The following SGCZ variants were observed in gnomAD, a reference collection of about 807,000 sequenced individuals.
SGCZ encodes the protein sarcoglycan zeta, also known as zeta-sarcoglycan.
Under a neutral mutation model 41.3 loss-of-function variants are expected in SGCZ, and 40 were observed. The observed-to-expected ratio is 0.97, with a 90% CI of 0.75 to 1.26. The LOEUF is 1.26. SGCZ is among the 50% of genes most tolerant of loss of function. The pLI, the probability that SGCZ is intolerant of heterozygous loss-of-function variation, is 0.00. For synonymous variants in SGCZ, 206 were observed against 137.5 expected (o/e 1.50, Z -3.49); for missense variants, 552 against 369.8 (o/e 1.49, Z -4.04).
intron 3 of SGCZ, among the ~76,000 whole-genome samples, chr8:14,292,737 C>G (rs960673757): frequency 3.3e-5 from 5 of 151,794 alleles, no homozygotes; most frequent in African/African-American, 7.3e-5. Flanking sequence ...TAATTTTGGG[C>G]CTCAATTCTT....
chr8:14,278,216 C>T (rs544825611), intron 3 of SGCZ, among the ~76,000 whole-genome samples: 57 of 152,260 alleles, frequency 3.7e-4, no homozygotes, highest in Non-Finnish European at 5.7e-4. Context: ...GCCCCTCCTC[C>T]GTAAGGTATT....
intron 3 of SGCZ, among the ~76,000 whole-genome samples, chr8:14,247,244 G>T (rs4275225): frequency 1 from 151,609 of 152,320 alleles, 75,456 homozygotes; most frequent in East Asian, 1. Context: ...CTTCTGAGAA[G>T]GCTCTATGAC....
chr8:14,661,119 T>A lies in SGCZ; in HGVS notation c.40-106193A>T, dbSNP rs138102218. ...GATTCTCTTTCTAGAAATGCATTTA[T>A]GGAAACATCATACATAAGCTAAAAA... On this transcript the variant is annotated intron_variant, in intron 1 of 7. Transcript: ENST00000382080. Among the ~76,000 whole-genome samples, 573 of 152,296 alleles carry A rather than the reference T, an allele frequency of 3.8e-3. 7 individuals are homozygous for A. The highest frequency in any genetic ancestry group is 0.013 in the African/African-American group (555 of 41,574).
At chr8:14,400,022 C>A (rs546125426) in intron 2 of SGCZ, among the ~76,000 whole-genome samples, 1 of 152,084 alleles carries the variant, frequency 6.6e-6, no homozygotes, top group South Asian at 2.1e-4. Flanking sequence ...GCCCCTGTTC[C>A]CTTCCCCCAA....
chr8:14,665,697 GT>G (rs1275824312), intron 1 of SGCZ, among the ~76,000 whole-genome samples: 1 of 151,998 alleles, frequency 6.6e-6, no homozygotes, highest in Non-Finnish European at 1.5e-5. Context: ...CATTCATCAT[GT>G]TTATAGAATT....
intron 2 of SGCZ, among the ~76,000 whole-genome samples, chr8:14,500,252 G>A (rs186287849): frequency 6.6e-6 from 1 of 151,992 alleles, no homozygotes; most frequent in Non-Finnish European, 1.5e-5. Flanking sequence ...AATGTAGTTT[G>A]AGCACGTGGA....
intron 2 of SGCZ, among the ~76,000 whole-genome samples, chr8:14,428,980 G>A (rs544458434): frequency 5.3e-5 from 8 of 152,160 alleles, no homozygotes; most frequent in South Asian, 2.1e-4. Context: ...ATCAGATTAC[G>A]GAAGAGGTAT....
chr8:14,463,985 T>A (rs1241609412), intron 2 of SGCZ, among the ~76,000 whole-genome samples: 2 of 151,254 alleles, frequency 1.3e-5, no homozygotes, highest in Non-Finnish European at 3.0e-5. Flanking sequence ...GGCCATGGTT[T>A]GTAACCTTTT....
intron 1 of SGCZ, among the ~76,000 whole-genome samples, chr8:14,717,064 T>C (rs1809713645): frequency 6.6e-6 from 1 of 152,118 alleles, no homozygotes; most frequent in African/African-American, 2.4e-5. Flanking sequence ...GAACAATTCC[T>C]TTTTTATGAA....
At chr8:14,290,382 G>A (rs912168260) in intron 3 of SGCZ, among the ~76,000 whole-genome samples, 2 of 151,914 alleles carry the variant, frequency 1.3e-5, no homozygotes, top group Non-Finnish European at 2.9e-5. Context: ...AGAAAATAAT[G>A]CACAGAGCAA....
At chr8:15,203,709 C>T (rs1047659575) in intron 1 of SGCZ, among the ~76,000 whole-genome samples, 10 of 152,062 alleles carry the variant, frequency 6.6e-5, no homozygotes, top group East Asian at 1.9e-4. Flanking sequence ...TACAGCCTGC[C>T]GTTCGGAAAG....
intron 2 of SGCZ, among the ~76,000 whole-genome samples, chr8:14,456,591 G>C (rs930068544): frequency 3.9e-5 from 6 of 152,022 alleles, no homozygotes; most frequent in Non-Finnish European, 5.9e-5. Flanking sequence ...TAACGAGATT[G>C]GTTACCTATT....
At chr8:14,160,987 T>C (rs1264206127) in intron 5 of SGCZ, among the ~76,000 whole-genome samples, 1 of 152,206 alleles carries the variant, frequency 6.6e-6, no homozygotes, top group African/African-American at 2.4e-5. Flanking sequence ...CCTATAAATA[T>C]TGCTTAAATA....
chr8:14,516,124 T>A (rs571838353), intron 2 of SGCZ, among the ~76,000 whole-genome samples: 1 of 151,606 alleles, frequency 6.6e-6, no homozygotes, highest in Non-Finnish European at 1.5e-5. Context: ...TTTTTTTCTA[T>A]GTCTGTGGTT....
chr8:14,947,326 G>C (rs1486820317), intron 1 of SGCZ, among the ~76,000 whole-genome samples: 1 of 152,146 alleles, frequency 6.6e-6, no homozygotes, highest in East Asian at 1.9e-4. Flanking sequence ...TTTTATCAGT[G>C]GCTGACATCA....
At chr8:15,005,066 CG>C (rs1802556265) in intron 1 of SGCZ, among the ~76,000 whole-genome samples, 1 of 152,148 alleles carries the variant, frequency 6.6e-6, no homozygotes. Flanking sequence ...TCACTTCACA[CG>C]GTGCGCTAGA....
intron 1 of SGCZ, among the ~76,000 whole-genome samples, chr8:14,658,530 G>C (rs914980818): frequency 6.6e-6 from 1 of 151,790 alleles, no homozygotes; most frequent in African/African-American, 2.4e-5. Context: ...CCTTTGACCT[G>C]TTATGCTTTT....
intron 1 of SGCZ, among the ~76,000 whole-genome samples, chr8:15,111,756 TG>T (rs1352233362): frequency 6.6e-6 from 1 of 151,928 alleles, no homozygotes; most frequent in African/African-American, 2.4e-5. Context: ...AAAAATTAGC[TG>T]GGTGTGGTGG....
At chr8:14,635,959 G>A (rs1585143081) in intron 1 of SGCZ, among the ~76,000 whole-genome samples, 4 of 151,936 alleles carry the variant, frequency 2.6e-5, no homozygotes, top group South Asian at 4.1e-4. Flanking sequence ...TGCTGTGTTG[G>A]CACAATTAAG....
Sources: gnomAD v4.1 joint callset for allele counts (sites outside exome capture counted in the v4.1 genomes callset) on GRCh38, gnomAD v4.1.1 for gene constraint, MANE v1.5 for transcripts, NCBI Gene and HGNC (gene_info 2026-07-23, HGNC 2026-07-21) for gene names.